Variants in CDKAL1 observed in about 807,000 individuals in gnomAD.
The protein encoded by CDKAL1 is threonylcarbamoyladenosine tRNA methylthiotransferase.
In CDKAL1, 32 loss-of-function variants were observed where a neutral mutation model predicts 68.2. That is an observed-to-expected ratio of 0.47 (90% CI 0.35 to 0.63). CDKAL1 has a LOEUF of 0.63. Among genes scored for constraint, CDKAL1 ranks in the 30% least tolerant of loss-of-function variants. CDKAL1 has a pLI of 0.00. For synonymous variants in CDKAL1, 234 were observed against 244.3 expected (o/e 0.96, Z 0.39); for missense variants, 606 against 696.7 (o/e 0.87, Z 1.47).
chr6:20,797,760 C>CTTTAGTTTATTTTAT (rs1776168565), intron 8 of CDKAL1, among the ~76,000 whole-genome samples: 1 of 119,406 alleles, frequency 8.4e-6, no homozygotes, highest in African/African-American at 3.4e-5. Context: ...TGATTGATTG[C>CTTTAGTTTATTTTAT]TTTATTTTAT....
At chr6:21,224,525 A>AAAC (rs1554199105) in intron 15 of CDKAL1, among the ~76,000 whole-genome samples, 1 of 152,096 alleles carries the variant, frequency 6.6e-6, no homozygotes, top group African/African-American at 2.4e-5. Flanking sequence ...AAATAATAAT[A>AAAC]AACAATAACA....
intron 13 of CDKAL1, among the ~76,000 whole-genome samples, chr6:21,185,246 C>T (rs1033617338): frequency 2.2e-4 from 33 of 151,228 alleles, no homozygotes; most frequent in African/African-American, 7.3e-4. Flanking sequence ...AAGCAGCCCT[C>T]ATACTAAATT....
At chr6:20,801,096 T>G (rs1776347436) in intron 8 of CDKAL1, among the ~76,000 whole-genome samples, 1 of 151,838 alleles carries the variant, frequency 6.6e-6, no homozygotes, top group Non-Finnish European at 1.5e-5. Flanking sequence ...TATTTTTATT[T>G]TTATTTTTGT....
chr6:20,599,182 A>C (rs1355456100), intron 4 of CDKAL1, among the ~76,000 whole-genome samples: 1 of 151,776 alleles, frequency 6.6e-6, no homozygotes, highest in East Asian at 1.9e-4. Flanking sequence ...CAGAGTTTAT[A>C]CAAATGCAAG....
intron 9 of CDKAL1, among the ~76,000 whole-genome samples, chr6:20,902,349 ACACACACAC>A (rs371290566): frequency 0.43 from 45,648 of 106,754 alleles, 7,445 homozygotes; most frequent in East Asian, 0.64. Context: ...ACACACACAC[ACACACACAC>A]AATGTGTTTA....
intron 5 of CDKAL1, among the ~76,000 whole-genome samples, chr6:20,707,017 T>C (rs1241794358): frequency 6.6e-6 from 1 of 152,192 alleles, no homozygotes; most frequent in Non-Finnish European, 1.5e-5. Flanking sequence ...TTTCACTGAG[T>C]CCTGAACAAC....
intron 4 of CDKAL1, among the ~76,000 whole-genome samples, chr6:20,568,365 GT>G (rs1764547022): frequency 1.3e-5 from 2 of 152,052 alleles, no homozygotes; most frequent in South Asian, 4.2e-4. Context: ...GCATTTGACT[GT>G]TCCAAAAGTG....
intron 9 of CDKAL1, among the ~76,000 whole-genome samples, chr6:20,873,656 G>A (rs1473154961): frequency 1.3e-5 from 2 of 152,174 alleles, no homozygotes; most frequent in Non-Finnish European, 2.9e-5. Flanking sequence ...GGCCATTAGA[G>A]ATACTTGCAG....
At chr6:21,076,903 GTTGTATCTGGATT>G (rs1772102288) in intron 12 of CDKAL1, among the ~76,000 whole-genome samples, 1 of 151,902 alleles carries the variant, frequency 6.6e-6, no homozygotes, top group African/African-American at 2.4e-5. Context: ...CCATAATTTT[GTTGTATCTGGATT>G]TCAGCAGATC....
At chr6:20,840,877 T>C (rs1318965121) in intron 8 of CDKAL1, among the ~76,000 whole-genome samples, 1 of 152,226 alleles carries the variant, frequency 6.6e-6, no homozygotes, top group African/African-American at 2.4e-5. Flanking sequence ...GTGTGAACTT[T>C]TGGTTTCTTG....
At chr6:20,791,560 G>A (rs1260410851) in intron 8 of CDKAL1, among the ~76,000 whole-genome samples, 1 of 152,184 alleles carries the variant, frequency 6.6e-6, no homozygotes, top group Admixed American at 6.5e-5. Flanking sequence ...CTGGAAGATA[G>A]CCTATTAAAT....
chr6:20,697,435 G>C (rs1451335613), intron 5 of CDKAL1, among the ~76,000 whole-genome samples: 3 of 152,046 alleles, frequency 2.0e-5, no homozygotes, highest in Non-Finnish European at 2.9e-5. Context: ...TAGATCAAAA[G>C]AGAAGGCCAC....
chr6:21,007,302 C>G (rs987533687), intron 11 of CDKAL1, among the ~76,000 whole-genome samples: 2 of 151,586 alleles, frequency 1.3e-5, no homozygotes, highest in Non-Finnish European at 2.9e-5. Flanking sequence ...TGGTGGCACT[C>G]GCCTGTAGTC....
At chr6:21,224,614 T>C (rs1270208389) in intron 15 of CDKAL1, among the ~76,000 whole-genome samples, 1 of 152,010 alleles carries the variant, frequency 6.6e-6, no homozygotes, top group East Asian at 1.9e-4. Context: ...TGTAGGCAAA[T>C]TGTAGAACCT....
At chr6:21,000,115 G>C in intron 10 of CDKAL1, 112 bp from the exon 11 acceptor site, 1 of 707,938 alleles carries the variant, frequency 1.4e-6, no homozygotes, top group Non-Finnish European at 2.3e-6. Flanking sequence ...CTTGATGATT[G>C]GTCTGTTTTC....
chr6:20,810,627 G>GGTGGGTGT (rs1776769689), intron 8 of CDKAL1, among the ~76,000 whole-genome samples: 2 of 134,672 alleles, frequency 1.5e-5, no homozygotes, highest in Admixed American at 7.4e-5. Flanking sequence ...TGTATGTATG[G>GGTGGGTGT]GTGTGTGTGT....
chr6:20,775,245 AT>A (rs1349579611), intron 7 of CDKAL1, among the ~76,000 whole-genome samples: 1 of 152,126 alleles, frequency 6.6e-6, no homozygotes, highest in Non-Finnish European at 1.5e-5. Context: ...GTTCCTATTA[AT>A]ATTTCCTCCT....
At chr6:20,932,588 A>G (rs1310453913) in intron 9 of CDKAL1, among the ~76,000 whole-genome samples, 4 of 152,188 alleles carry the variant, frequency 2.6e-5, no homozygotes, top group Non-Finnish European at 5.9e-5. Context: ...AGTTGAGACA[A>G]TGCCCTTTCC....
intron 9 of CDKAL1, among the ~76,000 whole-genome samples, chr6:20,878,136 C>T (rs966918662): frequency 2.0e-5 from 3 of 152,044 alleles, no homozygotes; most frequent in African/African-American, 7.2e-5. Flanking sequence ...TTGTATTATA[C>T]TTATTTGTGT....
Sources: allele counts gnomAD v4.1 joint callset (sites outside exome capture counted in the v4.1 genomes callset), GRCh38; gene constraint gnomAD v4.1.1; transcripts MANE v1.5; gene names NCBI Gene and HGNC (gene_info 2026-07-23, HGNC 2026-07-21).